Variants in HGSNAT observed in about 807,000 individuals in gnomAD.
HGSNAT encodes the protein transmembrane protein 76.
HGSNAT carries 59 observed loss-of-function variants against 85.2 expected under a neutral mutation model. The ratio of observed to expected loss-of-function variants is 0.69; its 90% CI spans 0.56 to 0.86. The LOEUF (loss-of-function observed/expected upper bound fraction) is 0.86, where lower values mean the gene tolerates loss of function less well. Ranked by LOEUF, HGSNAT falls within the 40% of genes least tolerant of loss-of-function variation. The pLI, the probability that HGSNAT is intolerant of heterozygous loss-of-function variation, is 0.00. For missense variants in HGSNAT, 756 were observed against 777.1 expected, an observed-to-expected ratio of 0.97 and a Z score of 0.32; for synonymous variants, 321 against 304.5, an observed-to-expected ratio of 1.05 and a Z score of -0.56.
intron 17 of HGSNAT, 66 bp from the exon 18 acceptor site, chr8:43,199,322 T>TA: frequency 8.5e-7 from 1 of 1,176,576 alleles, no homozygotes; most frequent in Non-Finnish European, 1.2e-6. Flanking sequence ...TTTCAAGAAT[T>TA]AAATAGATGG....
Position 43,178,155 on chromosome 8 carries a change from G to A in HGSNAT, c.933G>A (p.Leu311=). 1 of 1,604,898 alleles carries A rather than the reference G, an allele frequency of 6.2e-7. No homozygotes were observed. Among genetic ancestry groups the A allele is most frequent in the Non-Finnish European group, 8.5e-7 (1 of 1,176,640 alleles). ...GGGGGTGTTCAAAATTCAGATTGCT[G>A]GGGAAGATTGCATGGAGGAGTTTCC... ...LQRGCSKFRL[L]GKIAWRSFLL... is the part of the protein sequence containing the mutation. Residue 311 remains leucine (L), a synonymous_variant, in exon 10 of 18, where the codon CTG becomes CTA. Coordinates refer to ENST00000379644, the MANE Select transcript of HGSNAT (RefSeq NM_152419.3).
intron 5 of HGSNAT, among the ~76,000 whole-genome samples, chr8:43,162,037 C>T (rs149850123): frequency 1.3e-3 from 198 of 152,296 alleles, no homozygotes; most frequent in African/African-American, 4.5e-3. Flanking sequence ...TCCTGCTCTG[C>T]GTGGTGAATA....
intron 11 of HGSNAT, among the ~76,000 whole-genome samples, chr8:43,182,990 G>A (rs1246704962): frequency 6.6e-6 from 1 of 152,036 alleles, no homozygotes; most frequent in African/African-American, 2.4e-5. Flanking sequence ...ATTTTTAGTT[G>A]ATATGTAATA....
chr8:43,140,693 T>G, intron 1 of HGSNAT, 79 bp downstream of exon 1: 2 of 663,766 alleles, frequency 3.0e-6, no homozygotes, highest in Non-Finnish European at 4.0e-6. Context: ...CCTATCTCCG[T>G]GCGCGGCGCC....
At position 43,195,584 on chromosome 8, in the gene HGSNAT, AGAG is replaced by A. The variant is rs1327358675; in HGVS notation, c.1465-1352_1465-1350del. The stretch of plus-strand genomic sequence containing the variant: ...ATGAGGAGGAAGAGGGGGTGGAGGA[AGAG>A]GAGGAGGAGGAAGAAGAGAAGGAGG... On this transcript the variant is annotated intron_variant, in intron 14 of 17. Coordinates refer to ENST00000379644, the MANE Select transcript of HGSNAT (RefSeq NM_152419.3). 1.2e-3 allele frequency among the ~76,000 whole-genome samples: 97 copies of A among 82,716 alleles called. 1 individual carries two copies. The highest frequency in any genetic ancestry group is 3.9e-3 in the African/African-American group (85 of 21,862). 54.3% of individuals were successfully genotyped at this position (82,716 alleles called of 152,430 possible).
intron 4 of HGSNAT, 35 bp downstream of exon 4, chr8:43,159,079 C>T: frequency 6.3e-7 from 1 of 1,592,310 alleles, no homozygotes; most frequent in Non-Finnish European, 8.6e-7. Flanking sequence ...TTCACATTTG[C>T]ATTTTCAGAG....
rs1804881123 is a variant in HGSNAT at position 43,200,439 on chromosome 8, A to G, written c.*870A>G. 4 of 152,202 alleles carry G rather than the reference A, an allele frequency of 2.6e-5. No individual in the cohort carries two copies. The highest frequency in any genetic ancestry group is 2.0e-4 in the Admixed American group (3 of 15,282). 9.4% of individuals were successfully genotyped at this position (152,202 alleles called of 1,614,324 possible). A position where few individuals can be genotyped will look rare whatever the true frequency, so the allele number is the denominator to read the frequency against. On this transcript the variant is annotated 3_prime_UTR_variant, in exon 18 of 18. Coordinates refer to ENST00000379644, the MANE Select transcript of HGSNAT (RefSeq NM_152419.3). ...GGGAAGATGACTCTCAGTTCCTTCC[A>G]CCTCTTAGACATGGTGAGGTAACAG...
intron 2 of HGSNAT, among the ~76,000 whole-genome samples, chr8:43,149,467 G>C (rs918106919): frequency 8.5e-5 from 13 of 152,294 alleles, no homozygotes; most frequent in Admixed American, 6.5e-4. Flanking sequence ...GGGAGGCCGA[G>C]GCGGGCGGAT....
At chr8:43,141,344 G>A (rs974332699) in intron 1 of HGSNAT, among the ~76,000 whole-genome samples, 1 of 152,142 alleles carries the variant, frequency 6.6e-6, no homozygotes, top group Non-Finnish European at 1.5e-5. Context: ...CTTTTGCCCC[G>A]GGCCCCGGAC....
chr8:43,178,288 A>G (rs1222151891), intron 10 of HGSNAT, 54 bp downstream of exon 10: 7 of 1,313,516 alleles, frequency 5.3e-6, no homozygotes, highest in South Asian at 1.9e-5. Context: ...TGGAAACTAT[A>G]TGTTGTAATT....
At position 43,197,830 on chromosome 8, in the gene HGSNAT, C is replaced by T. The variant is rs755029430; in HGVS notation, c.1614-10C>T. 2.4e-5 allele frequency: 38 copies of T among 1,609,526 alleles called. No individual in the cohort carries two copies. The highest frequency in any genetic ancestry group is 3.3e-5 in the Admixed American group (2 of 59,994). ...TACGAGCACTGAAACGTCTCCTCCACCCCTCCCAGGTCCCTTTCGTATGTC... is the reference window on the plus strand; with the variant it reads ...TACGAGCACTGAAACGTCTCCTCCATCCCTCCCAGGTCCCTTTCGTATGTC... On this transcript the variant is annotated splice_polypyrimidine_tract_variant and intron_variant, in intron 16 of 17. Transcript: ENST00000379644.
chr8:43,191,616 C>T, intron 12 of HGSNAT, 21 bp downstream of exon 12: 1 of 1,612,670 alleles, frequency 6.2e-7, no homozygotes, highest in Non-Finnish European at 8.5e-7. Context: ...CCCTGGGGGT[C>T]ATCCCTTGTG....
At chr8:43,182,801 T>C (rs536968812) in intron 11 of HGSNAT, among the ~76,000 whole-genome samples, 12 of 152,304 alleles carry the variant, frequency 7.9e-5, no homozygotes, top group African/African-American at 2.4e-4. Flanking sequence ...TTTTAGAACT[T>C]CTAAAATTTC....
intron 2 of HGSNAT, among the ~76,000 whole-genome samples, chr8:43,154,895 A>G (rs868398274): frequency 1.3e-5 from 2 of 152,112 alleles, no homozygotes; most frequent in Non-Finnish European, 2.9e-5. Context: ...TAACTGGTGT[A>G]AGATGGTATC....
intron 11 of HGSNAT, among the ~76,000 whole-genome samples, chr8:43,188,449 G>T (rs1804401070): frequency 1.3e-5 from 2 of 152,080 alleles, no homozygotes; most frequent in South Asian, 4.2e-4. Context: ...ACTGAAGCTT[G>T]TGCATGCATC....
intron 1 of HGSNAT, 65 bp from the exon 2 acceptor site, chr8:43,146,881 CTT>C: frequency 1.1e-6 from 1 of 874,716 alleles, no homozygotes; most frequent in Non-Finnish European, 1.8e-6. Context: ...CACGAATGTA[CTT>C]TGTCTCTAAC....
At chr8:43,185,757 T>A (rs1164855794) in intron 11 of HGSNAT, among the ~76,000 whole-genome samples, 1 of 152,210 alleles carries the variant, frequency 6.6e-6, no homozygotes, top group Admixed American at 6.5e-5. Flanking sequence ...CCATTCAGTA[T>A]GATATTGGCT....
chr8:43,183,057 G>A (rs1459740480), intron 11 of HGSNAT, among the ~76,000 whole-genome samples: 1 of 152,144 alleles, frequency 6.6e-6, no homozygotes, highest in Non-Finnish European at 1.5e-5. Context: ...ATCATACAGT[G>A]TGTAACGATC....
At chr8:43,158,465 G>T in intron 2 of HGSNAT, 110 bp from the exon 3 acceptor site, 2 of 1,105,366 alleles carry the variant, frequency 1.8e-6, no homozygotes, top group Non-Finnish European at 2.7e-6. Flanking sequence ...TTTTTTATAA[G>T]TATGAAGGAA....
Sources: allele counts gnomAD v4.1 joint callset (sites outside exome capture counted in the v4.1 genomes callset), GRCh38; gene constraint gnomAD v4.1.1; transcripts MANE v1.5; gene names NCBI Gene and HGNC (gene_info 2026-07-23, HGNC 2026-07-21).